FBXO24: variants seen among roughly 807,000 people sequenced by gnomAD.
FBXO24 encodes the protein F-box only protein 24.
A neutral mutation model predicts 63.5 loss-of-function variants in FBXO24; 30 were observed. The observed-to-expected ratio is 0.47, with a 90% confidence interval of 0.35 to 0.64. FBXO24 has a LOEUF of 0.64. Ranked by LOEUF, FBXO24 falls within the 30% of genes least tolerant of loss-of-function variation. The pLI is 0.00. For synonymous variants in FBXO24, 300 were observed against 305.0 expected, an observed-to-expected ratio of 0.98 and a Z score of 0.17; for missense variants, 624 against 763.4, an observed-to-expected ratio of 0.82 and a Z score of 2.15.
chr7:100,587,855 C>T (rs1322539065), intron 1 of FBXO24, among the ~76,000 whole-genome samples: 1 of 152,074 alleles, frequency 6.6e-6, no homozygotes, highest in Non-Finnish European at 1.5e-5. Context: ...GCCTCTGCCT[C>T]CCAAAGTACT....
chr7:100,597,766 A>G (rs750957287), intron 8 of FBXO24, among the ~76,000 whole-genome samples: 5 of 151,876 alleles, frequency 3.3e-5, no homozygotes, highest in Non-Finnish European at 5.9e-5. Flanking sequence ...CAGTGACACA[A>G]TCGTAGCTTG....
intron 1 of FBXO24, 163 bp downstream of exon 1, chr7:100,586,827 A>T: frequency 1.5e-6 from 1 of 679,304 alleles, no homozygotes. Flanking sequence ...AGGCCAGTGC[A>T]CTGGCGGTTG....
chr7:100,586,574 AG>A lies in FBXO24; in HGVS notation c.-49del, dbSNP rs1318245132. The A allele has an allele frequency of 4.2e-5, 68 of 1,600,906 alleles. No individual in the cohort carries two copies. The highest frequency in any genetic ancestry group is 5.6e-5 in the Non-Finnish European group (65 of 1,168,376). ...CAAGAAGGCCAATTAGAGCCTCCGA[AG>A]GGAATCTGGACCTGCCTCTTCTCTG... On this transcript the variant is annotated 5_prime_UTR_variant, in exon 1 of 10. Transcript: ENST00000241071.
In FBXO24 at chr7:100,590,314, G is replaced by C. The variant is rs1349012695; in HGVS notation, c.279G>C (p.Gln93His). Residue 93 changes from glutamine to histidine, a missense_variant, in exon 3 of 10, where the codon CAG (glutamine) becomes CAC (histidine). This residue lies in a region of FBXO24 where 391 missense variants were observed against 469.1 expected (regional missense o/e 0.83). Transcript: ENST00000241071. ...GACTCAGTCCGCGCCTCCAAGATCA[G>C]GGTTCTGGAGTCCGGCCCTGGAAGA... Reference protein sequence around the residue: ...CRRLSPRLQDQGSGVRPWKRA... With the variant: ...CRRLSPRLQDHGSGVRPWKRA... 2 of 1,613,980 alleles carry C rather than the reference G, an allele frequency of 1.2e-6. No individual in the cohort carries two copies. Among genetic ancestry groups the C allele is most frequent in the African/African-American group, 2.7e-5 (2 of 74,934 alleles).
At position 100,591,755 on chromosome 7, in the gene FBXO24, C is replaced by A; in HGVS notation, c.411C>A (p.Arg137=). ...SVAPLLAHGY[R]RFLPTKDHVF... is the part of the protein sequence containing the mutation. ...CCCCCTTGCTAGCCCACGGCTACCG[C>A]CGCTTCTTGCCCACCAAGGATCACG... Residue 137 remains arginine, a synonymous_variant, in exon 4 of 10, where the codon CGC becomes CGA. Transcript: ENST00000241071. The A allele has an allele frequency of 6.2e-7, 1 of 1,614,270 alleles. No homozygotes were observed. The highest frequency in any genetic ancestry group is 8.5e-7 in the Non-Finnish European group (1 of 1,180,050).
At chr7:100,599,372 G>A (rs1181521489) in intron 8 of FBXO24, among the ~76,000 whole-genome samples, 6 of 152,138 alleles carry the variant, frequency 3.9e-5, no homozygotes, top group Non-Finnish European at 7.4e-5. Flanking sequence ...TCAGGAGTTC[G>A]AGACCAGCCT....
chr7:100,588,352 C>T (rs963551525), intron 1 of FBXO24, among the ~76,000 whole-genome samples: 2 of 152,198 alleles, frequency 1.3e-5, no homozygotes, highest in African/African-American at 4.8e-5. Flanking sequence ...TGGTAGGTTG[C>T]CCAGAAATAA....
At position 100,594,981 on chromosome 7, in the gene FBXO24, G is replaced by C; in HGVS notation, c.953-121G>C. ...GTGTTTTCAGTTCCCAGGCATCATA[G>C]TTGATGCATTCCTAGTGGGTATGAG... On this transcript the variant is annotated intron_variant, in intron 6 of 9. Transcript: ENST00000241071. This position sits in a 1 kb window ranked among gnomAD's most constrained non-coding sequence, Gnocchi z 4.2. 1.5e-6 allele frequency: 2 copies of C among 1,336,256 alleles called. No homozygotes were observed. The highest frequency in any genetic ancestry group is 2.1e-6 in the Non-Finnish European group (2 of 968,068). The allele number at this position is 1,336,256 out of a possible 1,614,324, so 82.8% of individuals were successfully genotyped here.
rs1192446091 is a variant in FBXO24 at position 100,594,360 on chromosome 7, C to T, written c.794-23C>T. 4 of 1,609,554 alleles carry T rather than the reference C, an allele frequency of 2.5e-6. No homozygotes were observed. Among genetic ancestry groups the T allele is most frequent in the South Asian group, 1.1e-5 (1 of 90,354 alleles). ...GGATATTGGAGAATCCCCTCCCCAA[C>T]TAATTGCTTCCCCTACCCCCAGAGG... On this transcript the variant is annotated intron_variant, in intron 5 of 9. Coordinates refer to ENST00000241071, the MANE Select transcript of FBXO24 (RefSeq NM_033506.3). This position sits in a 1 kb window ranked among gnomAD's most constrained non-coding sequence, Gnocchi z 4.2.
At position 100,600,351 on chromosome 7, in the gene FBXO24, C is replaced by T. The variant is rs1802532736; in HGVS notation, c.1377+150C>T. The T allele has an allele frequency of 1.7e-5, 23 of 1,375,674 alleles. No individual in the cohort carries two copies. The highest frequency in any genetic ancestry group is 2.1e-5 in the Non-Finnish European group (22 of 1,025,190). 85.2% of individuals were successfully genotyped at this position (1,375,674 alleles called of 1,614,324 possible). ...CCTCCCTCCTCTGCCGCACACCACG[C>T]TCTCTGCTTTCTCCCTTAGCAGACT... On this transcript the variant is annotated intron_variant, in intron 9 of 9. Coordinates refer to ENST00000241071, the MANE Select transcript of FBXO24 (RefSeq NM_033506.3). This position sits in a 1 kb window ranked among gnomAD's most constrained non-coding sequence, Gnocchi z 6.3.
At chr7:100,591,560 T>C in intron 3 of FBXO24, 107 bp from the exon 4 acceptor site, 1 of 938,566 alleles carries the variant, frequency 1.1e-6, no homozygotes, top group Non-Finnish European at 1.7e-6. Flanking sequence ...GTCCTGGGGA[T>C]GGGGAGGAAC....
chr7:100,588,539 T>C (rs1801857721), intron 1 of FBXO24, among the ~76,000 whole-genome samples: 1 of 152,178 alleles, frequency 6.6e-6, no homozygotes, highest in Admixed American at 6.5e-5. Context: ...TGACACTGTG[T>C]GGTGAGGGCT....
chr7:100,590,145 C>CT, intron 2 of FBXO24, 29 bp from the exon 3 acceptor site: 2 of 1,609,760 alleles, frequency 1.2e-6, no homozygotes, highest in Non-Finnish European at 8.5e-7. Context: ...CCACCAAAGA[C>CT]TCCCCGCTTC....
At chr7:100,589,126 C>G (rs1801880197) in intron 1 of FBXO24, among the ~76,000 whole-genome samples, 1 of 152,178 alleles carries the variant, frequency 6.6e-6, no homozygotes, top group Non-Finnish European at 1.5e-5. Flanking sequence ...CCACCGGCAC[C>G]AGGCTGCAGT....
Position 100,595,676 on chromosome 7 carries a change from G to A in FBXO24, c.1176G>A (p.Gly392=), listed in dbSNP as rs777219866. Residue 392 remains glycine (G), a synonymous_variant, in exon 8 of 10, where the codon GGG becomes GGA. Coordinates refer to ENST00000241071, the MANE Select transcript of FBXO24 (RefSeq NM_033506.3). ...ACAGATACGGGCAGCTAGGAACAGG[G>A]GACAAAATGGACCGAGGGGAACCCA... ...GNNRYGQLGT[G]DKMDRGEPTQ... is the part of the protein sequence containing the mutation. 27 of 1,610,734 alleles carry A rather than the reference G, an allele frequency of 1.7e-5. No homozygotes were observed. The highest frequency in any genetic ancestry group is 2.2e-5 in the Non-Finnish European group (26 of 1,178,108).
chr7:100,586,735 C>T (rs751764968), intron 1 of FBXO24, 71 bp downstream of exon 1: 4 of 1,559,660 alleles, frequency 2.6e-6, no homozygotes, highest in African/African-American at 1.4e-5. Flanking sequence ...ACGCAGTTCG[C>T]CGCTGCAGTG....
chr7:100,595,282 C>A, intron 7 of FBXO24, 59 bp downstream of exon 7: 1 of 1,612,344 alleles, frequency 6.2e-7, no homozygotes, highest in Middle Eastern at 1.7e-4. Context: ...ATTGGAAGGT[C>A]TGAAGTATTA....
At chr7:100,592,555 G>A (rs547805878) in intron 4 of FBXO24, among the ~76,000 whole-genome samples, 12 of 152,162 alleles carry the variant, frequency 7.9e-5, no homozygotes, top group African/African-American at 2.9e-4. Context: ...TTTGGGTGGG[G>A]GCACAGAGCC....
intron 1 of FBXO24, chr7:100,589,593 C>A (rs530521259): frequency 1.4e-6 from 2 of 1,444,586 alleles, no homozygotes; most frequent in South Asian, 1.5e-5. Context: ...GGGGAGGGGC[C>A]TAGGAGGCAG....
Sources: gnomAD v4.1 joint callset for allele counts (sites outside exome capture counted in the v4.1 genomes callset) on GRCh38, gnomAD v4.1.1 for gene constraint, gnomAD v4.1.1 regional missense constraint, Gnocchi (gnomAD v3.1) non-coding constraint, MANE v1.5 for transcripts, NCBI Gene and HGNC (gene_info 2026-07-23, HGNC 2026-07-21) for gene names.